DTWD2: variants seen among roughly 807,000 people sequenced by gnomAD.
DTWD2 encodes the protein DTW motif tRNA-uridine aminocarboxypropyltransferase 2, also known as tRNA-uridine aminocarboxypropyltransferase 2.
Under a neutral mutation model 31.8 loss-of-function variants are expected in DTWD2, and 39 were observed. The ratio of observed to expected loss-of-function variants is 1.22; its 90% CI spans 0.95 to 1.60. The LOEUF (loss-of-function observed/expected upper bound fraction) is 1.60, where lower values mean the gene tolerates loss of function less well. Ranked by LOEUF, DTWD2 falls within the 40% of genes most tolerant of loss-of-function variation. The pLI is 0.00. For synonymous variants in DTWD2, 180 were observed against 142.8 expected (o/e 1.26, Z -1.86); for missense variants, 515 against 381.5 (o/e 1.35, Z -2.92).
At chr5:118,983,181 C>A (rs1755345392) in intron 1 of DTWD2, among the ~76,000 whole-genome samples, 1 of 152,072 alleles carries the variant, frequency 6.6e-6, no homozygotes, top group Non-Finnish European at 1.5e-5. Context: ...AGGGGGCCAG[C>A]AGTTAACCAC....
At chr5:118,905,378 C>G (rs1167416733) in intron 4 of DTWD2, among the ~76,000 whole-genome samples, 12 of 152,058 alleles carry the variant, frequency 7.9e-5, no homozygotes, top group Admixed American at 7.2e-4. Flanking sequence ...TGCTCTCTCC[C>G]CTGCAGCTGC....
intron 1 of DTWD2, among the ~76,000 whole-genome samples, chr5:118,946,822 C>T (rs1561466547): frequency 6.6e-6 from 1 of 152,086 alleles, no homozygotes; most frequent in African/African-American, 2.4e-5. Flanking sequence ...CTCACTGCAA[C>T]CTCTGCCTCC....
intron 1 of DTWD2, chr5:118,973,805 G>A (rs1755057675): frequency 3.1e-6 from 5 of 1,611,968 alleles, no homozygotes; most frequent in South Asian, 2.2e-5. Context: ...CATGTCAGAC[G>A]CAGCCGTAGA....
Position 118,840,515 on chromosome 5 carries a change from T to C in DTWD2, c.*402A>G, listed in dbSNP as rs1474635016. 6.6e-6 allele frequency: 1 copy of C among 152,586 alleles called. No individual in the cohort carries two copies. Among genetic ancestry groups the C allele is most frequent in the Non-Finnish European group, 1.5e-5 (1 of 68,312 alleles). The allele number at this position is 152,586 out of a possible 1,614,324, so 9.5% of individuals were successfully genotyped here. On this transcript the variant is annotated 3_prime_UTR_variant, in exon 6 of 6. Transcript: ENST00000510708. ...AAACTGTAAAGTCAGGACTGCAAAC[T>C]GATGTAGGAATCTTATATTATTGGT... is the stretch of plus-strand genomic sequence containing the variant.
intron 4 of DTWD2, among the ~76,000 whole-genome samples, chr5:118,878,431 A>G (rs777971849): frequency 6.6e-6 from 1 of 152,206 alleles, no homozygotes; most frequent in Non-Finnish European, 1.5e-5. Context: ...CTATTCAATA[A>G]ATGGTGCTAG....
At chr5:118,889,412 G>C (rs1163279034) in intron 4 of DTWD2, among the ~76,000 whole-genome samples, 1 of 152,024 alleles carries the variant, frequency 6.6e-6, no homozygotes, top group African/African-American at 2.4e-5. Flanking sequence ...ATTCGAGACA[G>C]CTATAAAAAT....
At chr5:118,973,703 C>T (rs772933680) in intron 1 of DTWD2, 144 of 1,475,378 alleles carry the variant, frequency 9.8e-5, no homozygotes, top group East Asian at 1.6e-4. Context: ...GCGCCTCCTC[C>T]GCCGCCGCGG....
intron 5 of DTWD2, among the ~76,000 whole-genome samples, chr5:118,842,062 C>T (rs889965305): frequency 2.6e-5 from 4 of 152,142 alleles, no homozygotes; most frequent in Non-Finnish European, 4.4e-5. Flanking sequence ...TCATTCCTAA[C>T]TATAATACAC....
intron 4 of DTWD2, among the ~76,000 whole-genome samples, chr5:118,849,332 C>T (rs1222893842): frequency 6.6e-6 from 1 of 152,078 alleles, no homozygotes; most frequent in East Asian, 1.9e-4. Flanking sequence ...TGAGATACCA[C>T]CTCACTCCAG....
chr5:118,899,962 C>A (rs12653656), intron 4 of DTWD2, among the ~76,000 whole-genome samples: 1 of 152,038 alleles, frequency 6.6e-6, no homozygotes, highest in Admixed American at 6.5e-5. Context: ...TCACCACACC[C>A]TGAAATTTTT....
intron 4 of DTWD2, among the ~76,000 whole-genome samples, chr5:118,917,832 G>A (rs1324843331): frequency 6.6e-6 from 1 of 152,072 alleles, no homozygotes; most frequent in East Asian, 1.9e-4. Flanking sequence ...AGGAGTAGTA[G>A]TGCGTGACTA....
At chr5:118,957,487 T>C (rs567336478) in intron 1 of DTWD2, among the ~76,000 whole-genome samples, 2 of 152,306 alleles carry the variant, frequency 1.3e-5, no homozygotes, top group South Asian at 2.1e-4. Flanking sequence ...CACAAAGTGC[T>C]GGGATTACAG....
intron 3 of DTWD2, among the ~76,000 whole-genome samples, chr5:118,937,167 C>T (rs139699902): frequency 6.6e-6 from 1 of 152,126 alleles, no homozygotes; most frequent in African/African-American, 2.4e-5. Flanking sequence ...ATGCAGAAAT[C>T]AATCAATATA....
At chr5:118,860,628 C>A (rs1180941402) in intron 4 of DTWD2, among the ~76,000 whole-genome samples, 1 of 152,070 alleles carries the variant, frequency 6.6e-6, no homozygotes, top group Non-Finnish European at 1.5e-5. Flanking sequence ...TGCATTCCTA[C>A]AAACAATACA....
At chr5:118,949,711 G>T (rs1267246073) in intron 1 of DTWD2, among the ~76,000 whole-genome samples, 1 of 152,118 alleles carries the variant, frequency 6.6e-6, no homozygotes, top group East Asian at 1.9e-4. Context: ...GCCAAGGTAG[G>T]AATAGAGGTG....
chr5:118,973,619 G>GCGGCAGCCTCCTTGCTCA (rs1755044738), intron 1 of DTWD2, among the ~76,000 whole-genome samples: 1 of 23,314 alleles, frequency 4.3e-5, no homozygotes. Context: ...CTCCTTGCTC[G>GCGGCAGCCTCCTTGCTCA]CGGCAGCCTC....
intron 1 of DTWD2, among the ~76,000 whole-genome samples, chr5:118,953,705 T>G (rs1754517100): frequency 6.6e-6 from 1 of 152,230 alleles, no homozygotes; most frequent in South Asian, 2.1e-4. Flanking sequence ...ATCTGCCTAG[T>G]GTGGAACATA....
intron 1 of DTWD2, among the ~76,000 whole-genome samples, chr5:118,948,962 T>G (rs1265032723): frequency 6.6e-6 from 1 of 152,098 alleles, no homozygotes; most frequent in African/African-American, 2.4e-5. Flanking sequence ...TAGAAGGGGT[T>G]AGGGTTTGGG....
Position 118,942,418 on chromosome 5 carries a change from A to G in DTWD2, c.309+2141T>C, listed in dbSNP as rs1172741282. 5.9e-5 allele frequency among the ~76,000 whole-genome samples: 9 copies of G among 152,324 alleles called. No homozygotes were observed. The East Asian group carries it at 1.7e-3, about 29-fold the overall frequency. On this transcript the variant is annotated intron_variant, in intron 2 of 5. Coordinates refer to ENST00000510708, the MANE Select transcript of DTWD2 (RefSeq NM_173666.4). ...ACTGTATGGATGCATTTCTACATGC[A>G]TAAAACACATCTGTAGCACACACAG...
Sources: gnomAD v4.1 joint callset for allele counts (sites outside exome capture counted in the v4.1 genomes callset) on GRCh38, gnomAD v4.1.1 for gene constraint, MANE v1.5 for transcripts, NCBI Gene and HGNC (gene_info 2026-07-23, HGNC 2026-07-21) for gene names.